ARHGAP24: variants seen among roughly 807,000 people sequenced by gnomAD.
ARHGAP24 encodes rho GTPase-activating protein 24.
In ARHGAP24, 50 loss-of-function variants were observed where a neutral mutation model predicts 76.4. The observed-to-expected ratio is 0.65, with a 90% CI of 0.52 to 0.83. The LOEUF is 0.83. Ranked by LOEUF, ARHGAP24 falls within the 40% of genes least tolerant of loss-of-function variation. ARHGAP24 has a pLI of 0.00. For synonymous variants in ARHGAP24, 345 were observed against 323.3 expected, an observed-to-expected ratio of 1.07 and a Z score of -0.72; for missense variants, 930 against 914.2, an observed-to-expected ratio of 1.02 and a Z score of -0.22.
intron 1 of ARHGAP24, among the ~76,000 whole-genome samples, chr4:85,478,342 G>A (rs1236040192): frequency 6.6e-6 from 1 of 152,154 alleles, no homozygotes; most frequent in East Asian, 1.9e-4. Context: ...GCCTCACATC[G>A]AGTCTCGCAA....
chr4:85,833,091 T>A (rs1486098410), intron 3 of ARHGAP24, among the ~76,000 whole-genome samples: 1 of 152,194 alleles, frequency 6.6e-6, no homozygotes, highest in Non-Finnish European at 1.5e-5. Context: ...GGACAAGTGT[T>A]AGGAAAATAT....
intron 3 of ARHGAP24, among the ~76,000 whole-genome samples, chr4:85,755,400 A>C (rs1184642733): frequency 6.6e-6 from 1 of 152,106 alleles, no homozygotes; most frequent in African/African-American, 2.4e-5. Flanking sequence ...TGTAGACAAG[A>C]GATGGCAGGT....
intron 3 of ARHGAP24, among the ~76,000 whole-genome samples, chr4:85,749,328 T>C (rs1726166105): frequency 6.6e-6 from 1 of 152,214 alleles, no homozygotes; most frequent in Non-Finnish European, 1.5e-5. Context: ...TGTTATTCCA[T>C]ATTGTTATGT....
At chr4:85,507,426 T>C (rs1384419900) in intron 1 of ARHGAP24, among the ~76,000 whole-genome samples, 1 of 152,216 alleles carries the variant, frequency 6.6e-6, no homozygotes, top group Non-Finnish European at 1.5e-5. Flanking sequence ...AAAATGATTC[T>C]GTTTGTTTCA....
chr4:85,927,349 G>A (rs1812330), intron 4 of ARHGAP24, among the ~76,000 whole-genome samples: 99,749 of 151,936 alleles, frequency 0.66, 33,736 homozygotes, highest in East Asian at 0.99. Flanking sequence ...ATGAGGGGGT[G>A]ATGGAGAGAT....
chr4:85,951,006 T>C (rs1337464609), intron 5 of ARHGAP24, among the ~76,000 whole-genome samples: 2 of 152,180 alleles, frequency 1.3e-5, no homozygotes, highest in East Asian at 1.9e-4. Context: ...GTTCTTATTC[T>C]AAGTGAAATG....
intron 3 of ARHGAP24, among the ~76,000 whole-genome samples, chr4:85,730,276 C>T (rs1234970774): frequency 6.6e-6 from 1 of 152,184 alleles, no homozygotes; most frequent in East Asian, 1.9e-4. Flanking sequence ...AAAAACATGT[C>T]CCATATTTTA....
intron 1 of ARHGAP24, among the ~76,000 whole-genome samples, chr4:85,532,689 G>A (rs943664710): frequency 6.6e-6 from 1 of 152,156 alleles, no homozygotes; most frequent in African/African-American, 2.4e-5. Context: ...TCTGACAATA[G>A]TTGTTTTTAC....
At chr4:85,671,555 G>A (rs971407877) in intron 2 of ARHGAP24, among the ~76,000 whole-genome samples, 6 of 152,150 alleles carry the variant, frequency 3.9e-5, no homozygotes, top group African/African-American at 1.4e-4. Flanking sequence ...GAAGACAGGA[G>A]GTATATATAA....
intron 1 of ARHGAP24, among the ~76,000 whole-genome samples, chr4:85,525,125 T>C (rs1052062095): frequency 1.2e-4 from 18 of 152,164 alleles, no homozygotes; most frequent in South Asian, 4.1e-4. Context: ...CACCATCTTA[T>C]TAATATCCAA....
At chr4:85,797,594 C>T (rs937046939) in intron 3 of ARHGAP24, among the ~76,000 whole-genome samples, 4 of 152,232 alleles carry the variant, frequency 2.6e-5, no homozygotes, top group Admixed American at 2.0e-4. Context: ...TGCTTTTTCT[C>T]CATTTCTCAG....
chr4:85,515,525 A>C (rs1456189333), intron 1 of ARHGAP24, among the ~76,000 whole-genome samples: 1 of 151,696 alleles, frequency 6.6e-6, no homozygotes, highest in Non-Finnish European at 1.5e-5. Flanking sequence ...TTTTTATTAC[A>C]CAAAAAGTAG....
chr4:85,863,180 T>A (rs975597733), intron 3 of ARHGAP24, among the ~76,000 whole-genome samples: 1 of 152,082 alleles, frequency 6.6e-6, no homozygotes, highest in Non-Finnish European at 1.5e-5. Flanking sequence ...GGATTTTTTT[T>A]AACTTAGGCA....
chr4:85,837,407 G>A (rs1730349255), intron 3 of ARHGAP24, among the ~76,000 whole-genome samples: 1 of 152,088 alleles, frequency 6.6e-6, no homozygotes, highest in Non-Finnish European at 1.5e-5. Context: ...GTGAACTCTT[G>A]CTTCACTGAC....
At chr4:85,653,098 A>T (rs116883083) in intron 2 of ARHGAP24, among the ~76,000 whole-genome samples, 2 of 152,224 alleles carry the variant, frequency 1.3e-5, no homozygotes, top group South Asian at 4.1e-4. Context: ...CTTTCAAGAC[A>T]TGGCTAAATT....
intron 4 of ARHGAP24, among the ~76,000 whole-genome samples, chr4:85,936,633 G>A (rs1188225259): frequency 1.3e-5 from 2 of 151,988 alleles, no homozygotes; most frequent in Non-Finnish European, 2.9e-5. Context: ...CTTTTGACTA[G>A]TCCAGCACAG....
chr4:85,679,506 C>T (rs144608480), intron 2 of ARHGAP24, among the ~76,000 whole-genome samples: 2 of 152,306 alleles, frequency 1.3e-5, no homozygotes, highest in Non-Finnish European at 2.9e-5. Context: ...GTCACCCCTG[C>T]ATACTTGTAT....
intron 3 of ARHGAP24, among the ~76,000 whole-genome samples, chr4:85,809,487 C>T (rs1378956271): frequency 1.3e-5 from 2 of 152,142 alleles, no homozygotes; most frequent in East Asian, 3.9e-4. Context: ...AAGGCATAGA[C>T]ACTTCCAAAA....
At chr4:85,956,918 C>A (rs535066807) in intron 5 of ARHGAP24, among the ~76,000 whole-genome samples, 1 of 152,140 alleles carries the variant, frequency 6.6e-6, no homozygotes, top group Non-Finnish European at 1.5e-5. Flanking sequence ...AGGGAGGGGA[C>A]CCAAAGAGGG....
Sources: allele counts gnomAD v4.1 joint callset (sites outside exome capture counted in the v4.1 genomes callset), GRCh38; gene constraint gnomAD v4.1.1; transcripts MANE v1.5; gene names NCBI Gene and HGNC (gene_info 2026-07-23, HGNC 2026-07-21).